The following CDC14A variants were observed in gnomAD, a reference collection of about 807,000 sequenced individuals.
CDC14A encodes the protein cell division cycle 14A, also known as dual specificity protein phosphatase CDC14A.
A neutral mutation model predicts 74.4 loss-of-function variants in CDC14A; 53 were observed. The ratio of observed to expected loss-of-function variants is 0.71; its 90% CI spans 0.57 to 0.89. CDC14A has a LOEUF of 0.89. Among genes scored for constraint, CDC14A ranks in the 40% least tolerant of loss-of-function variants. The pLI, the probability that CDC14A is intolerant of heterozygous loss-of-function variation, is 0.00. For synonymous variants in CDC14A, 247 were observed against 258.4 expected, an observed-to-expected ratio of 0.96 and a Z score of 0.43; for missense variants, 646 against 713.7, an observed-to-expected ratio of 0.91 and a Z score of 1.08.
At chr1:100,478,619 A>C (rs771802633) in intron 10 of CDC14A, among the ~76,000 whole-genome samples, 1 of 152,198 alleles carries the variant, frequency 6.6e-6, no homozygotes, top group Non-Finnish European at 1.5e-5. Flanking sequence ...GAGAACTCAC[A>C]TAAAGCCTAA....
intron 14 of CDC14A, among the ~76,000 whole-genome samples, chr1:100,498,508 A>G (rs2101439223): frequency 6.6e-6 from 1 of 152,350 alleles, no homozygotes; most frequent in South Asian, 2.1e-4. Flanking sequence ...GCTGACACGT[A>G]TAGGCAAGGG....
chr1:100,374,740 G>A (rs1200876103), intron 2 of CDC14A, among the ~76,000 whole-genome samples: 1 of 152,178 alleles, frequency 6.6e-6, no homozygotes, highest in Non-Finnish European at 1.5e-5. Context: ...AGTTATGATA[G>A]TGTCATTTGG....
At chr1:100,357,795 C>T (rs994937114) in intron 2 of CDC14A, among the ~76,000 whole-genome samples, 3 of 151,166 alleles carry the variant, frequency 2.0e-5, no homozygotes, top group African/African-American at 7.3e-5. Flanking sequence ...TAAATTATCA[C>T]CTTAGAAGCG....
intron 15 of CDC14A, among the ~76,000 whole-genome samples, chr1:100,509,344 C>T (rs1387129810): frequency 6.6e-6 from 1 of 152,170 alleles, no homozygotes; most frequent in African/African-American, 2.4e-5. Context: ...TTGAGAGTCA[C>T]CTATCTTGTG....
At chr1:100,353,050 C>T (rs1651333087) in intron 1 of CDC14A, 47 bp downstream of exon 1, 1 of 1,594,882 alleles carries the variant, frequency 6.3e-7, no homozygotes, top group Non-Finnish European at 8.6e-7. Context: ...TTGCCCCCAA[C>T]TCTTCACTTC....
At chr1:100,376,277 T>C (rs558424288) in intron 2 of CDC14A, among the ~76,000 whole-genome samples, 1 of 152,258 alleles carries the variant, frequency 6.6e-6, no homozygotes, top group South Asian at 2.1e-4. Context: ...GTTGTGCACA[T>C]GTACCCTAGA....
chr1:100,451,233 TG>T (rs1383120435), intron 7 of CDC14A, among the ~76,000 whole-genome samples: 1 of 152,222 alleles, frequency 6.6e-6, no homozygotes, highest in Non-Finnish European at 1.5e-5. Context: ...AAATGTGCAC[TG>T]GATTTTTGCA....
intron 5 of CDC14A, among the ~76,000 whole-genome samples, chr1:100,437,153 T>A (rs1358063270): frequency 6.6e-6 from 1 of 152,122 alleles, no homozygotes; most frequent in Non-Finnish European, 1.5e-5. Flanking sequence ...ACCACTGCAC[T>A]CCAGCCTGGG....
At chr1:100,410,165 T>C (rs912451073) in intron 4 of CDC14A, among the ~76,000 whole-genome samples, 1 of 151,834 alleles carries the variant, frequency 6.6e-6, no homozygotes, top group Non-Finnish European at 1.5e-5. Flanking sequence ...TGAGCTGTGA[T>C]TGTGCTACTG....
intron 10 of CDC14A, among the ~76,000 whole-genome samples, chr1:100,481,708 A>G (rs1479605026): frequency 6.6e-6 from 1 of 152,220 alleles, no homozygotes; most frequent in Non-Finnish European, 1.5e-5. Flanking sequence ...ACCAAGACAC[A>G]TCTCTTCCTG....
At chr1:100,394,527 G>C (rs1651638607) in intron 4 of CDC14A, among the ~76,000 whole-genome samples, 1 of 152,200 alleles carries the variant, frequency 6.6e-6, no homozygotes. Flanking sequence ...CGTTGAGCTT[G>C]TCACAAAATA....
chr1:100,381,878 G>T (rs569223135), intron 3 of CDC14A, among the ~76,000 whole-genome samples: 1 of 152,156 alleles, frequency 6.6e-6, no homozygotes, highest in South Asian at 2.1e-4. Context: ...TAGGATAGGG[G>T]AAGCAATCAA....
At chr1:100,505,318 C>CTG (rs3081874) in intron 15 of CDC14A, among the ~76,000 whole-genome samples, 141,148 of 152,120 alleles carry the variant, frequency 0.93, 66,216 homozygotes, top group Non-Finnish European at 1. Context: ...TATGAAGACT[C>CTG]TGGATGTTTT....
intron 10 of CDC14A, among the ~76,000 whole-genome samples, chr1:100,472,028 A>G (rs1668448244): frequency 6.6e-6 from 1 of 152,188 alleles, no homozygotes; most frequent in Non-Finnish European, 1.5e-5. Flanking sequence ...GAGAGTGAAA[A>G]TGAAAACCAC....
intron 6 of CDC14A, among the ~76,000 whole-genome samples, chr1:100,442,493 G>A (rs1030768870): frequency 6.7e-5 from 10 of 149,658 alleles, no homozygotes; most frequent in Non-Finnish European, 1.0e-4. Context: ...TTTTTTGGGG[G>A]GCTAAATATC....
At chr1:100,416,317 G>C (rs985681203) in intron 4 of CDC14A, among the ~76,000 whole-genome samples, 2 of 152,132 alleles carry the variant, frequency 1.3e-5, no homozygotes, top group African/African-American at 4.8e-5. Flanking sequence ...AATGAATACA[G>C]TGCTAGTAAC....
At chr1:100,347,320 G>T (rs545653538) in intron 1 of CDC14A, among the ~76,000 whole-genome samples, 1 of 152,086 alleles carries the variant, frequency 6.6e-6, no homozygotes, top group African/African-American at 2.4e-5. Context: ...TTGTGTAGAA[G>T]CCTTGAGTGC....
chr1:100,470,442 GA>G (rs202217540), intron 10 of CDC14A, among the ~76,000 whole-genome samples: 3 of 146,302 alleles, frequency 2.1e-5, no homozygotes, highest in Admixed American at 6.8e-5. Flanking sequence ...CCAGTGCAAT[GA>G]AAAAAAAAGA....
intron 8 of CDC14A, among the ~76,000 whole-genome samples, chr1:100,457,643 T>TTA (rs10680456): frequency 0.25 from 37,472 of 147,718 alleles, 6,211 homozygotes; most frequent in African/African-American, 0.47. Flanking sequence ...TTTTTTTTTT[T>TTA]AATTTTTAGT....
Sources: allele counts gnomAD v4.1 joint callset (sites outside exome capture counted in the v4.1 genomes callset), GRCh38; gene constraint gnomAD v4.1.1; transcripts MANE v1.5; gene names NCBI Gene and HGNC (gene_info 2026-07-23, HGNC 2026-07-21).